Variants in CTNNB1 observed in about 807,000 individuals in gnomAD.
The protein encoded by CTNNB1 is catenin beta-1.
CTNNB1 carries 6 observed loss-of-function variants against 82.5 expected under a neutral mutation model. That is an observed-to-expected ratio of 0.07 (90% CI 0.04 to 0.14). CTNNB1 has a LOEUF of 0.14. CTNNB1 is among the 10% of genes least tolerant of loss of function. CTNNB1 has a pLI of 1.00. For missense variants in CTNNB1, 529 were observed against 980.4 expected (o/e 0.54, Z 6.15); for synonymous variants, 312 against 329.7 (o/e 0.95, Z 0.58).
chr3:41,220,119 G>A (rs529783070), intron 1 of CTNNB1, among the ~76,000 whole-genome samples: 1 of 152,068 alleles, frequency 6.6e-6, no homozygotes, highest in East Asian at 1.9e-4. Context: ...TATGGCTGAG[G>A]AAGGAAGACA....
chr3:41,223,617 T>C (rs1265185570), intron 1 of CTNNB1, among the ~76,000 whole-genome samples: 4 of 152,168 alleles, frequency 2.6e-5, no homozygotes, highest in African/African-American at 4.8e-5. Flanking sequence ...ACCTCTGTTA[T>C]CCAAAGGGGA....
intron 2 of CTNNB1, 114 bp downstream of exon 2, chr3:41,224,195 C>T (rs555170114): frequency 7.7e-7 from 1 of 1,305,874 alleles, no homozygotes; most frequent in South Asian, 1.2e-5. Flanking sequence ...GTCAGGCTAC[C>T]TTTTGCTCCA....
rs997230964 is a variant in CTNNB1 at position 41,225,293 on chromosome 3, T to C, written c.496-41T>C. 6.8e-6 allele frequency: 11 copies of C among 1,613,644 alleles called. No homozygotes were observed. The highest frequency in any genetic ancestry group is 1.3e-5 in the African/African-American group (1 of 75,046). ...TTTCAGAATGTCTACCCAATACCAGTACTTGAAAACTAACGATGTTTCTGA... is the reference window on the plus strand; with the variant it reads ...TTTCAGAATGTCTACCCAATACCAGCACTTGAAAACTAACGATGTTTCTGA... On this transcript the variant is annotated intron_variant, in intron 4 of 14. Transcript: ENST00000349496. This position sits in a 1 kb window ranked among gnomAD's most constrained non-coding sequence, Gnocchi z 5.3.
intron 1 of CTNNB1, among the ~76,000 whole-genome samples, chr3:41,208,083 C>T (rs2077691159): frequency 6.6e-6 from 1 of 152,158 alleles, no homozygotes; most frequent in African/African-American, 2.4e-5. Flanking sequence ...GCTCTTGGCT[C>T]ATTGTCACTG....
intron 1 of CTNNB1, among the ~76,000 whole-genome samples, chr3:41,211,840 G>A (rs894736010): frequency 4.6e-5 from 7 of 152,108 alleles, no homozygotes; most frequent in Admixed American, 4.6e-4. Context: ...TATTGGAAAG[G>A]CCTTCTAACT....
chr3:41,236,760 G>A (rs760644994), intron 13 of CTNNB1, 51 bp downstream of exon 13: 1 of 1,612,024 alleles, frequency 6.2e-7, no homozygotes, highest in Non-Finnish European at 8.5e-7. Context: ...GAGCAGGTAT[G>A]GCAGCTTGTT....
chr3:41,223,909 T>A, intron 1 of CTNNB1, 112 bp from the exon 2 acceptor site: 2 of 751,162 alleles, frequency 2.7e-6, no homozygotes, highest in Non-Finnish European at 4.6e-6. Flanking sequence ...TAAAAGAGGA[T>A]ATGGGTTTTT....
At chr3:41,211,986 G>T (rs1452061222) in intron 1 of CTNNB1, among the ~76,000 whole-genome samples, 1 of 152,154 alleles carries the variant, frequency 6.6e-6, no homozygotes, top group South Asian at 2.1e-4. Context: ...TTCAGTAAAA[G>T]CTCAAGCTCC....
At chr3:41,220,404 T>A (rs1465133374) in intron 1 of CTNNB1, 2 of 123,672 alleles carry the variant, frequency 1.6e-5, no homozygotes, top group East Asian at 2.3e-4. Flanking sequence ...ACCCACACCC[T>A]CACCCACCCA....
At chr3:41,221,610 A>T (rs1420026530) in intron 1 of CTNNB1, 5 of 152,136 alleles carry the variant, frequency 3.3e-5, no homozygotes, top group Non-Finnish European at 5.9e-5. Flanking sequence ...AAGTGTTAGA[A>T]TTACAAGCCA....
chr3:41,231,376 A>C (rs1029376436), intron 7 of CTNNB1, among the ~76,000 whole-genome samples: 3 of 151,260 alleles, frequency 2.0e-5, no homozygotes, highest in Non-Finnish European at 2.9e-5. Flanking sequence ...TGCTGAAGAG[A>C]AGGTCTGCAT....
chr3:41,205,258 A>T (rs1245399709), intron 1 of CTNNB1, among the ~76,000 whole-genome samples: 1 of 152,226 alleles, frequency 6.6e-6, no homozygotes, highest in Non-Finnish European at 1.5e-5. Context: ...CTAGATCCAA[A>T]ACTTAAAAAC....
intron 14 of CTNNB1, 129 bp from the exon 15 acceptor site, chr3:41,239,005 G>A (rs375334448): frequency 1.4e-5 from 11 of 803,086 alleles, no homozygotes; most frequent in African/African-American, 5.0e-5. Context: ...GCTAGAAAGC[G>A]TTGTTTTCTG....
intron 1 of CTNNB1, among the ~76,000 whole-genome samples, chr3:41,200,677 C>T (rs536097404): frequency 6.6e-6 from 1 of 152,338 alleles, no homozygotes; most frequent in African/African-American, 2.4e-5. Context: ...GGAATTCAAG[C>T]ATTGCAACTT....
At chr3:41,219,313 T>C (rs1404422810) in intron 1 of CTNNB1, among the ~76,000 whole-genome samples, 1 of 152,222 alleles carries the variant, frequency 6.6e-6, no homozygotes, top group Non-Finnish European at 1.5e-5. Flanking sequence ...GTGGAGTTAC[T>C]CATTGGTGAG....
At chr3:41,218,095 T>C (rs919379241) in intron 1 of CTNNB1, among the ~76,000 whole-genome samples, 8 of 152,176 alleles carry the variant, frequency 5.3e-5, no homozygotes, top group African/African-American at 1.9e-4. Context: ...CTCATTTTAT[T>C]TTTTTACGTG....
At chr3:41,201,074 C>T (rs2077519035) in intron 1 of CTNNB1, among the ~76,000 whole-genome samples, 1 of 152,190 alleles carries the variant, frequency 6.6e-6, no homozygotes, top group African/African-American at 2.4e-5. Context: ...TAATGTTTTT[C>T]AGATCGCTAA....
intron 3 of CTNNB1, 28 bp downstream of exon 3, chr3:41,224,781 C>T (rs993000676): frequency 1.2e-6 from 2 of 1,604,264 alleles, no homozygotes; most frequent in Non-Finnish European, 8.5e-7. Context: ...CATTGCCTTA[C>T]TGAAAGTCAG....
At chr3:41,215,649 G>A (rs149026090) in intron 1 of CTNNB1, among the ~76,000 whole-genome samples, 3 of 152,072 alleles carry the variant, frequency 2.0e-5, no homozygotes, top group South Asian at 2.1e-4. Context: ...AAAGGTCAGC[G>A]TGCTGGTATA....
Sources: gnomAD v4.1 joint callset for allele counts (sites outside exome capture counted in the v4.1 genomes callset) on GRCh38, gnomAD v4.1.1 for gene constraint, Gnocchi (gnomAD v3.1) non-coding constraint, MANE v1.5 for transcripts, NCBI Gene and HGNC (gene_info 2026-07-23, HGNC 2026-07-21) for gene names.